Variants in GRIN3A observed in about 807,000 individuals in gnomAD.
GRIN3A encodes the protein glutamate receptor ionotropic, NMDA 3A.
Under a neutral mutation model 92.4 loss-of-function variants are expected in GRIN3A, and 47 were observed. That is an observed-to-expected ratio of 0.51 (90% CI 0.40 to 0.65). GRIN3A has a LOEUF of 0.65. Ranked by LOEUF, GRIN3A falls within the 30% of genes least tolerant of loss-of-function variation. The probability of loss-of-function intolerance (pLI) is 0.00; values close to 1 mark genes in which losing one functional copy is unlikely to be tolerated. For missense variants in GRIN3A, 1,324 were observed against 1,393.1 expected (o/e 0.95, Z 0.79); for synonymous variants, 527 against 540.6 (o/e 0.97, Z 0.35).
intron 3 of GRIN3A, among the ~76,000 whole-genome samples, chr9:101,630,627 A>G (rs1054180379): frequency 3.9e-5 from 6 of 152,216 alleles, no homozygotes; most frequent in African/African-American, 1.4e-4. Flanking sequence ...ACTATATCAT[A>G]CTGACTCCCT....
intron 6 of GRIN3A, among the ~76,000 whole-genome samples, chr9:101,595,191 C>A (rs1431683221): frequency 1.3e-5 from 2 of 151,982 alleles, no homozygotes; most frequent in Non-Finnish European, 2.9e-5. Flanking sequence ...GAGAATGGAG[C>A]CTGGGGGTGC....
At chr9:101,713,733 G>A (rs922646695) in intron 1 of GRIN3A, among the ~76,000 whole-genome samples, 4 of 152,160 alleles carry the variant, frequency 2.6e-5, no homozygotes, top group African/African-American at 9.7e-5. Flanking sequence ...CAGAGGGTAT[G>A]GATGGGTTCC....
At chr9:101,630,762 T>A (rs2118883101) in intron 3 of GRIN3A, among the ~76,000 whole-genome samples, 1 of 152,358 alleles carries the variant, frequency 6.6e-6, no homozygotes, top group East Asian at 1.9e-4. Flanking sequence ...CTTGGATAGT[T>A]AAAGTAACAC....
In GRIN3A at chr9:101,634,332, CA is replaced by C. The variant is rs10664535; in HGVS notation, c.2353-5932del. 2.5e-3 allele frequency among the ~76,000 whole-genome samples: 172 copies of C among 68,730 alleles called. No individual in the cohort carries two copies. The East Asian group carries it at 0.028, about 11-fold the overall frequency. The allele number at this position is 68,730 out of a possible 152,430, so 45.1% of individuals were successfully genotyped here. ...TGGGTGACAGAGTGAGACTCCGTCT[CA>C]AAAAAAAAAAAAAAAAAAAGAAAAT... On this transcript the variant is annotated intron_variant, in intron 3 of 8. Transcript: ENST00000361820.
At chr9:101,578,035 G>A (rs1193887320) in intron 7 of GRIN3A, among the ~76,000 whole-genome samples, 191 bp from the exon 8 acceptor site, 1 of 152,104 alleles carries the variant, frequency 6.6e-6, no homozygotes, top group Non-Finnish European at 1.5e-5. Flanking sequence ...TCTAATTAGA[G>A]GTTATTATTC....
chr9:101,641,766 A>G (rs548149579), intron 3 of GRIN3A, among the ~76,000 whole-genome samples: 1 of 151,906 alleles, frequency 6.6e-6, no homozygotes, highest in East Asian at 1.9e-4. Flanking sequence ...TGTACCCTAA[A>G]ACTTAAAGTA....
intron 3 of GRIN3A, among the ~76,000 whole-genome samples, chr9:101,631,815 G>A (rs1828719092): frequency 2.0e-5 from 3 of 152,172 alleles, no homozygotes; most frequent in South Asian, 4.1e-4. Flanking sequence ...CTCTAACATG[G>A]AGATGTTTTG....
intron 8 of GRIN3A, among the ~76,000 whole-genome samples, chr9:101,574,975 T>C (rs1827808895): frequency 6.6e-6 from 1 of 152,234 alleles, no homozygotes; most frequent in African/African-American, 2.4e-5. Flanking sequence ...TACAGACATA[T>C]GAGCAAACCC....
intron 6 of GRIN3A, among the ~76,000 whole-genome samples, chr9:101,598,419 A>T (rs939515280): frequency 1.3e-5 from 2 of 152,326 alleles, no homozygotes; most frequent in East Asian, 3.9e-4. Context: ...TAGGTTAAAA[A>T]GAGGTATTAT....
At chr9:101,600,154 C>G (rs1008151208) in intron 6 of GRIN3A, among the ~76,000 whole-genome samples, 1 of 152,144 alleles carries the variant, frequency 6.6e-6, no homozygotes, top group Non-Finnish European at 1.5e-5. Flanking sequence ...CATAACATCA[C>G]TTTCAGGATT....
At chr9:101,602,138 C>T (rs1229322146) in intron 6 of GRIN3A, among the ~76,000 whole-genome samples, 1 of 152,126 alleles carries the variant, frequency 6.6e-6, no homozygotes, top group African/African-American at 2.4e-5. Flanking sequence ...GGCTCCAGGG[C>T]TCTCTCATGA....
At chr9:101,652,744 G>A (rs961109504) in intron 3 of GRIN3A, among the ~76,000 whole-genome samples, 8 of 151,996 alleles carry the variant, frequency 5.3e-5, no homozygotes, top group African/African-American at 9.7e-5. Flanking sequence ...GAGTAAATGC[G>A]TCTTTTATGA....
intron 1 of GRIN3A, among the ~76,000 whole-genome samples, chr9:101,701,492 C>T (rs1416320729): frequency 2.6e-5 from 4 of 151,982 alleles, no homozygotes; most frequent in African/African-American, 7.3e-5. Flanking sequence ...TGAAACTGGG[C>T]CCCTACCTTT....
In GRIN3A at chr9:101,686,872, G is replaced by C; in HGVS notation, c.1028C>G (p.Thr343Ser). 1 of 1,614,224 alleles carries C rather than the reference G, an allele frequency of 6.2e-7. No individual in the cohort carries two copies. The highest frequency in any genetic ancestry group is 1.1e-5 in the South Asian group (1 of 91,088). The change falls in exon 2 of 9, where the codon ACC becomes AGC. Residue 343 changes from threonine to serine, a missense_variant. By Grantham distance (58) the Thr-to-Ser change is moderately conservative. Transcript: ENST00000361820. ...TTCAGGGGGCATGACCCCAAACTGG[G>C]TTGTAATTTCGAAAATCCGCCGGAT... ...ESIRRIFEIT[T>S]QFGVMPPELR...
At chr9:101,588,482 C>A (rs987242663) in intron 6 of GRIN3A, among the ~76,000 whole-genome samples, 1 of 152,032 alleles carries the variant, frequency 6.6e-6, no homozygotes, top group African/African-American at 2.4e-5. Context: ...TTCTTGAGCC[C>A]CCATTTCTTT....
chr9:101,642,280 G>T (rs1230200497), intron 3 of GRIN3A, among the ~76,000 whole-genome samples: 1 of 152,106 alleles, frequency 6.6e-6, no homozygotes, highest in African/African-American at 2.4e-5. Context: ...CCATATGTAA[G>T]TGAATAATAT....
At chr9:101,604,362 C>T (rs10116531) in intron 6 of GRIN3A, among the ~76,000 whole-genome samples, 14,260 of 152,156 alleles carry the variant, frequency 0.094, 803 homozygotes, top group East Asian at 0.24. Context: ...TCCCTTTCTT[C>T]AGGCCTAATT....
At chr9:101,679,295 A>G (rs1298324835) in intron 2 of GRIN3A, among the ~76,000 whole-genome samples, 9 of 152,182 alleles carry the variant, frequency 5.9e-5, no homozygotes, top group Admixed American at 5.2e-4. Flanking sequence ...AAAGTCAACC[A>G]AGAATACAGT....
intron 1 of GRIN3A, among the ~76,000 whole-genome samples, chr9:101,717,107 A>G (rs1829957088): frequency 6.6e-6 from 1 of 152,224 alleles, no homozygotes; most frequent in Non-Finnish European, 1.5e-5. Flanking sequence ...CTCAAACTGT[A>G]CTGTGCATAT....
Sources: gnomAD v4.1 joint callset for allele counts (sites outside exome capture counted in the v4.1 genomes callset) on GRCh38, gnomAD v4.1.1 for gene constraint, MANE v1.5 for transcripts, NCBI Gene and HGNC (gene_info 2026-07-23, HGNC 2026-07-21) for gene names.